PRKN: variants seen among roughly 807,000 people sequenced by gnomAD.
PRKN encodes the protein E3 ubiquitin-protein ligase parkin.
Under a neutral mutation model 59.5 loss-of-function variants are expected in PRKN, and 56 were observed. The observed-to-expected ratio is 0.94, with a 90% CI of 0.76 to 1.18. PRKN has a LOEUF of 1.18. Among genes scored for constraint, PRKN ranks in the 50% most tolerant of loss-of-function variants. The pLI, the probability that PRKN is intolerant of heterozygous loss-of-function variation, is 0.00. For synonymous variants in PRKN, 250 were observed against 222.1 expected (o/e 1.13, Z -1.12); for missense variants, 657 against 596.4 (o/e 1.10, Z -1.06).
chr6:162,684,042 T>A (rs185483339), intron 1 of PRKN, among the ~76,000 whole-genome samples: 5 of 152,160 alleles, frequency 3.3e-5, no homozygotes, highest in Admixed American at 3.3e-4. Flanking sequence ...TTTTGTGCAG[T>A]TGGTATTCCA....
rs1207618203 is a variant in PRKN at position 162,083,669 on chromosome 6, T to G, written c.535-29495A>C. 3.3e-5 allele frequency among the ~76,000 whole-genome samples: 5 copies of G among 151,718 alleles called. No homozygotes were observed. The East Asian group carries it at 9.7e-4, about 29-fold the overall frequency. On this transcript the variant is annotated intron_variant, in intron 4 of 11. Transcript: ENST00000366898. ...AACATCAAATCATCACCATAGAGAT[T>G]CAACTTCTCTTTTTAGGAATTAAAA...
In PRKN at chr6:161,373,220, T is replaced by G. The variant is rs1161988228; in HGVS notation, c.1168-13015A>C. Reference sequence around the variant, plus strand: ...GAGGGTCATCTCCTTGACCTCAAAGTTAACTGAGTATAGATGTTAACCACG... The same window carrying G: ...GAGGGTCATCTCCTTGACCTCAAAGGTAACTGAGTATAGATGTTAACCACG... On this transcript the variant is annotated intron_variant, in intron 10 of 11. Coordinates refer to ENST00000366898, the MANE Select transcript of PRKN (RefSeq NM_004562.3). The surrounding 1 kb of genome is among the most constrained non-coding windows in gnomAD (Gnocchi z 4.8). Among the ~76,000 whole-genome samples, 1 of 152,102 alleles carries G rather than the reference T, an allele frequency of 6.6e-6. No homozygotes were observed. The highest frequency in any genetic ancestry group is 1.9e-4 in the East Asian group (1 of 5,168).
chr6:161,920,785 T>TAA (rs74980727), intron 6 of PRKN, among the ~76,000 whole-genome samples: 161 of 128,708 alleles, frequency 1.3e-3, no homozygotes, highest in Non-Finnish European at 2.1e-3. Flanking sequence ...TGAGACTGTC[T>TAA]AAAAAAAAAA....
At chr6:162,302,105 CA>C (rs1250543483) in intron 2 of PRKN, among the ~76,000 whole-genome samples, 1 of 152,104 alleles carries the variant, frequency 6.6e-6, no homozygotes, top group East Asian at 1.9e-4. Context: ...AGCCGATAAG[CA>C]AGTCTTACTG....
chr6:162,283,785 T>G lies in PRKN; in HGVS notation c.172-21020A>C, dbSNP rs555838154. 2.8e-4 allele frequency among the ~76,000 whole-genome samples: 42 copies of G among 152,260 alleles called. 1 individual carries two copies. Among genetic ancestry groups the G allele is most frequent in the African/African-American group, 4.8e-5 (2 of 41,576 alleles). ...ATTCACCCACCTCAGCTTCCCAAAG[T>G]GCTGGGATTACAAGCAGGAATAAAT... On this transcript the variant is annotated intron_variant, in intron 2 of 11. Coordinates refer to ENST00000366898, the MANE Select transcript of PRKN (RefSeq NM_004562.3).
In PRKN at chr6:161,377,549, G is replaced by A. The variant is rs1219649418; in HGVS notation, c.1167+9245C>T. 3.3e-5 allele frequency among the ~76,000 whole-genome samples: 5 copies of A among 152,158 alleles called. No individual in the cohort carries two copies. The highest frequency in any genetic ancestry group is 1.5e-5 in the Non-Finnish European group (1 of 68,020). ...TCTTTAGGGTTGAAAGAGTGGTGAG[G>A]GGAGACCCTGTCAATAAGCAGAGCC... On this transcript the variant is annotated intron_variant, in intron 10 of 11. Coordinates refer to ENST00000366898, the MANE Select transcript of PRKN (RefSeq NM_004562.3). The surrounding 1 kb of genome is among the most constrained non-coding windows in gnomAD (Gnocchi z 4.2).
At chr6:162,390,895 AT>A (rs1215941264) in intron 2 of PRKN, among the ~76,000 whole-genome samples, 4 of 152,182 alleles carry the variant, frequency 2.6e-5, no homozygotes, top group Non-Finnish European at 5.9e-5. Context: ...ATAAGAAGAA[AT>A]CTTCTGGGGA....
chr6:161,774,643 G>T (rs1268094492), intron 7 of PRKN, among the ~76,000 whole-genome samples: 1 of 152,162 alleles, frequency 6.6e-6, no homozygotes, highest in African/African-American at 2.4e-5. Flanking sequence ...GCAGGATTCG[G>T]GTCTGGGTCC....
intron 2 of PRKN, among the ~76,000 whole-genome samples, chr6:162,353,714 A>AG (rs1784720266): frequency 6.6e-6 from 1 of 152,158 alleles, no homozygotes; most frequent in African/African-American, 2.4e-5. Flanking sequence ...CATTAGAATT[A>AG]GGTAGACTGA....
chr6:162,152,568 A>G (rs576027795), intron 4 of PRKN, among the ~76,000 whole-genome samples: 60 of 152,342 alleles, frequency 3.9e-4, no homozygotes, highest in Non-Finnish European at 7.6e-4. Context: ...CAGGAACACA[A>G]TATAAATTTC....
intron 4 of PRKN, among the ~76,000 whole-genome samples, chr6:162,173,467 T>C (rs74617943): frequency 0.018 from 2,702 of 152,174 alleles, 66 homozygotes; most frequent in African/African-American, 0.054. Flanking sequence ...GTGTTGACCT[T>C]TGACACTTGT....
chr6:162,448,226 C>T (rs1790415625), intron 1 of PRKN, among the ~76,000 whole-genome samples: 1 of 152,056 alleles, frequency 6.6e-6, no homozygotes, highest in Non-Finnish European at 1.5e-5. Flanking sequence ...CACATGTTTC[C>T]AAATGTCCCT....
At chr6:161,452,354 C>T (rs1012839020) in intron 9 of PRKN, among the ~76,000 whole-genome samples, 9 of 152,262 alleles carry the variant, frequency 5.9e-5, no homozygotes, top group East Asian at 5.8e-4. Flanking sequence ...AGATATAGTG[C>T]GCCTTAAGTT....
intron 7 of PRKN, among the ~76,000 whole-genome samples, chr6:161,598,347 G>C (rs559601035): frequency 6.6e-6 from 1 of 152,146 alleles, no homozygotes; most frequent in Non-Finnish European, 1.5e-5. Flanking sequence ...ACATTCAATT[G>C]TATGATAGCA....
At chr6:162,635,568 T>C (rs971100509) in intron 1 of PRKN, among the ~76,000 whole-genome samples, 8 of 146,472 alleles carry the variant, frequency 5.5e-5, no homozygotes, top group East Asian at 2.0e-4. Context: ...CATTATTTCA[T>C]CTTGTTATTA....
At chr6:162,630,677 TAGAAA>T (rs1783078144) in intron 1 of PRKN, among the ~76,000 whole-genome samples, 1 of 152,126 alleles carries the variant, frequency 6.6e-6, no homozygotes, top group Admixed American at 6.6e-5. Context: ...GTCAATTTCA[TAGAAA>T]AGAGCCTTGA....
intron 1 of PRKN, among the ~76,000 whole-genome samples, chr6:162,603,553 G>A (rs1190233560): frequency 2.0e-5 from 3 of 152,228 alleles, no homozygotes; most frequent in African/African-American, 7.2e-5. Context: ...TATTTACCAC[G>A]TATCCCTTAC....
At chr6:161,532,238 T>A (rs1398497191) in intron 9 of PRKN, among the ~76,000 whole-genome samples, 2 of 151,422 alleles carry the variant, frequency 1.3e-5, no homozygotes, top group Non-Finnish European at 2.9e-5. Context: ...TGCAGAAAAA[T>A]TTGCCTAGAG....
chr6:162,612,003 G>A (rs112660709), intron 1 of PRKN, among the ~76,000 whole-genome samples: 8 of 150,858 alleles, frequency 5.3e-5, no homozygotes, highest in African/African-American at 1.5e-4. Flanking sequence ...GGCTAACACG[G>A]TGAAACCCCG....
Sources: allele counts gnomAD v4.1 joint callset (sites outside exome capture counted in the v4.1 genomes callset), GRCh38; gene constraint gnomAD v4.1.1; non-coding constraint Gnocchi (gnomAD v3.1); transcripts MANE v1.5; gene names NCBI Gene and HGNC (gene_info 2026-07-23, HGNC 2026-07-21).